Variants in DMD observed in about 807,000 individuals in gnomAD.
DMD encodes the protein dystrophin.
A neutral mutation model predicts 330.1 loss-of-function variants in DMD; 63 were observed. The ratio of observed to expected loss-of-function variants is 0.19; its 90% CI spans 0.16 to 0.24. The LOEUF is 0.24. Ranked by LOEUF, DMD falls within the 10% of genes least tolerant of loss-of-function variation. The pLI is 1.00. For missense variants in DMD, 3,344 were observed against 2,684.1 expected (o/e 1.25, Z -5.43); for synonymous variants, 1,223 against 959.8 (o/e 1.27, Z -5.07).
chrX:31,173,084 G>C (rs1456544845), intron 72 of DMD, among the ~76,000 whole-genome samples: 3 of 111,729 alleles, frequency 2.7e-5, no homozygotes, highest in Non-Finnish European at 5.7e-5. Context: ...AAGAAGGTGA[G>C]ACAGAAAAGT....
At chrX:31,209,404 C>T in intron 65 of DMD, 94 bp downstream of exon 65, 13 of 879,571 alleles carry the variant, frequency 1.5e-5, no homozygotes, top group Non-Finnish European at 2.2e-5. Context: ...TCCACAGCTT[C>T]CAGGGCCCTG....
chrX:33,068,707 T>C (rs1032490017), intron 1 of DMD, among the ~76,000 whole-genome samples: 1 of 112,424 alleles, frequency 8.9e-6, no homozygotes, highest in Non-Finnish European at 1.9e-5. Flanking sequence ...TTTTGGCTTA[T>C]GTCAACCTGT....
intron 44 of DMD, chrX:32,205,925 G>A (rs1329966941): frequency 1.6e-5 from 6 of 367,614 alleles, no homozygotes; most frequent in Admixed American, 6.4e-5. Flanking sequence ...GTCCTCTGAG[G>A]CCCCAAAACT....
At chrX:31,169,989 T>C (rs903138994) in intron 73 of DMD, among the ~76,000 whole-genome samples, 1 of 112,421 alleles carries the variant, frequency 8.9e-6, no homozygotes, top group Non-Finnish European at 1.9e-5. Flanking sequence ...TAACCCACGC[T>C]ATTGTTGTAC....
intron 57 of DMD, among the ~76,000 whole-genome samples, 163 bp from the exon 58 acceptor site, chrX:31,479,266 GTCTA>G (rs1488291585): frequency 5.4e-5 from 6 of 111,511 alleles, no homozygotes; most frequent in Non-Finnish European, 1.1e-4. Flanking sequence ...GGCTATATGG[GTCTA>G]TCTGTTAATG....
At chrX:32,339,604 A>G (rs1603631156) in intron 41 of DMD, among the ~76,000 whole-genome samples, 1 of 111,565 alleles carries the variant, frequency 9.0e-6, no homozygotes, top group South Asian at 3.7e-4. Context: ...GAGCTTTATT[A>G]CTACCATATA....
intron 45 of DMD, among the ~76,000 whole-genome samples, chrX:31,940,183 A>G (rs139209652): frequency 0.042 from 4,692 of 111,622 alleles, 92 homozygotes; most frequent in Non-Finnish European, 0.067. Flanking sequence ...AAGGGATGGA[A>G]ATATTGAGGG....
intron 30 of DMD, among the ~76,000 whole-genome samples, chrX:32,394,941 AATC>A (rs2098033537): frequency 2.9e-5 from 3 of 102,220 alleles, no homozygotes; most frequent in Non-Finnish European, 6.0e-5. Flanking sequence ...AAAGAAAAGA[AATC>A]ATCATCAGTA....
At chrX:31,821,042 G>A (rs1181612403) in intron 49 of DMD, among the ~76,000 whole-genome samples, 1 of 112,812 alleles carries the variant, frequency 8.9e-6, no homozygotes, top group Non-Finnish European at 1.9e-5. Context: ...CAGAATGTGA[G>A]CAGAAGTGTT....
intron 18 of DMD, among the ~76,000 whole-genome samples, chrX:32,506,590 A>ATGC (rs2044652397): frequency 9.0e-6 from 1 of 111,683 alleles, no homozygotes; most frequent in Non-Finnish European, 1.9e-5. Flanking sequence ...TAGCTGAAAG[A>ATGC]TACACATTTT....
At chrX:31,344,353 A>G (rs947299569) in intron 61 of DMD, among the ~76,000 whole-genome samples, 5 of 112,066 alleles carry the variant, frequency 4.5e-5, no homozygotes, top group Non-Finnish European at 9.4e-5. Flanking sequence ...TATAATAAAG[A>G]TTGTGAAATA....
rs143524948 is a variant in DMD, at chrX:31,572,087, G to A, written c.8217+55586C>T. 2.6e-3 allele frequency among the ~76,000 whole-genome samples: 287 copies of A among 110,271 alleles called. 1 individual carries two copies. The highest frequency in any genetic ancestry group is 3.5e-3 in the Non-Finnish European group (186 of 52,780). Reference sequence around the variant, plus strand: ...ATGTAAAACGGACCCCTGTGACACCGGTTTGCCTATGTAATAAACCTTCAC... The same window carrying A: ...ATGTAAAACGGACCCCTGTGACACCAGTTTGCCTATGTAATAAACCTTCAC... On this transcript the variant is annotated intron_variant, in intron 55 of 78. Transcript: ENST00000357033.
chrX:33,330,627 TGCTA>T (rs1234066920), intron 1 of DMD, among the ~76,000 whole-genome samples: 1 of 111,867 alleles, frequency 8.9e-6, no homozygotes, highest in African/African-American at 3.3e-5. Flanking sequence ...GTCATGCTCA[TGCTA>T]GCTTTAATCA....
chrX:32,912,273 T>C (rs769248490), intron 2 of DMD, among the ~76,000 whole-genome samples: 2 of 110,995 alleles, frequency 1.8e-5, no homozygotes, highest in South Asian at 7.7e-4. Flanking sequence ...GAAGCACTCT[T>C]GTGTCTTCCC....
chrX:31,746,511 CTATT>C (rs1383578700), intron 51 of DMD, among the ~76,000 whole-genome samples: 1 of 111,976 alleles, frequency 8.9e-6, no homozygotes, highest in Non-Finnish European at 1.9e-5. Flanking sequence ...AGCAATGAAT[CTATT>C]TATAAGAATT....
At chrX:32,611,148 C>A (rs1181911534) in intron 12 of DMD, among the ~76,000 whole-genome samples, 12 of 109,512 alleles carry the variant, frequency 1.1e-4, no homozygotes, top group Admixed American at 5.9e-4. Context: ...TGCCAAGAAA[C>A]AAAAGAGCAT....
Position 32,468,648 on chromosome X carries a change from T to A in DMD, c.3012A>T (p.Lys1004Asn), listed in dbSNP as rs778820732. The change falls in exon 23 of 79, where the codon AAA (lysine) becomes AAT (asparagine). Residue 1004 changes from lysine (K) to asparagine (N), a missense_variant. Lys to Asn is a moderately conservative substitution (Grantham distance 94). Coordinates refer to ENST00000357033, the MANE Select transcript of DMD (RefSeq NM_004006.3). ...CAGAGGGCGCTTTCTTCGACATCTC[T>A]TTCACAGTGGTGCTGAGATAGTATA... is the stretch of plus-strand genomic sequence containing the variant. Reference protein sequence around the residue: ...SGLYYLSTTVKEMSKKAPSEI... With the variant: ...SGLYYLSTTVNEMSKKAPSEI... 1.7e-6 allele frequency: 2 copies of A among 1,211,576 alleles called. No individual in the cohort carries two copies. The highest frequency in any genetic ancestry group is 3.5e-5 in the South Asian group (2 of 57,000).
In DMD at chrX:32,094,791, G is replaced by C. The variant is rs755413850; in HGVS notation, c.6438+122125C>G. ...TTCATTTTCAAGTATCTTTACTCAA[G>C]CTAAGTCTGTAAGTCATGTATTCAC... is the stretch of plus-strand genomic sequence containing the variant. On this transcript the variant is annotated intron_variant, in intron 44 of 78. Transcript: ENST00000357033. 2.7e-5 allele frequency among the ~76,000 whole-genome samples: 3 copies of C among 111,738 alleles called. No individual in the cohort carries two copies. In the South Asian group the frequency reaches 1.1e-3, roughly 41 times the overall value.
intron 2 of DMD, among the ~76,000 whole-genome samples, chrX:33,008,644 GT>G (rs1208856022): frequency 9.2e-6 from 1 of 108,694 alleles, no homozygotes; most frequent in Non-Finnish European, 1.9e-5. Flanking sequence ...ACAACGAACT[GT>G]TTTTTTCTAA....
Sources: allele counts gnomAD v4.1 joint callset (sites outside exome capture counted in the v4.1 genomes callset), GRCh38; gene constraint gnomAD v4.1.1; transcripts MANE v1.5; gene names NCBI Gene and HGNC (gene_info 2026-07-23, HGNC 2026-07-21).